Variants in RARB observed in about 807,000 individuals in gnomAD.
The protein encoded by RARB is retinoic acid receptor beta, also known as HBV-activated protein.
A neutral mutation model predicts 51.9 loss-of-function variants in RARB; 17 were observed. The ratio of observed to expected loss-of-function variants is 0.33; its 90% CI spans 0.22 to 0.49. The LOEUF (loss-of-function observed/expected upper bound fraction) is 0.49, where lower values mean the gene tolerates loss of function less well. Ranked by LOEUF, RARB falls within the 20% of genes least tolerant of loss-of-function variation. The probability of loss-of-function intolerance (pLI) is 0.99; values close to 1 mark genes in which losing one functional copy is unlikely to be tolerated. For missense variants in RARB, 369 were observed against 550.8 expected (o/e 0.67, Z 3.30); for synonymous variants, 215 against 195.4 (o/e 1.10, Z -0.84).
At chr3:25,205,292 G>A (rs1296710434) in intron 5 of RARB, among the ~76,000 whole-genome samples, 2 of 152,166 alleles carry the variant, frequency 1.3e-5, no homozygotes, top group South Asian at 4.1e-4. Flanking sequence ...TATTAGGGTG[G>A]GAGTGACCCG....
chr3:25,327,537 G>A (rs962621545), intron 5 of RARB, among the ~76,000 whole-genome samples: 3 of 152,172 alleles, frequency 2.0e-5, no homozygotes, highest in African/African-American at 4.8e-5. Flanking sequence ...AAACTTTTAA[G>A]TTTGAGCATG....
chr3:25,367,817 C>CAAAAAAAAAAAAAAAAAAAAGA (rs369165017), intron 5 of RARB, among the ~76,000 whole-genome samples: 1 of 125,576 alleles, frequency 8.0e-6, no homozygotes, highest in Non-Finnish European at 1.6e-5. Context: ...AAAAAACAAG[C>CAAAAAAAAAAAAAAAAAAAAGA]AAAAAAAAAA....
intron 2 of RARB, among the ~76,000 whole-genome samples, chr3:25,481,096 G>A (rs1370580060): frequency 6.6e-6 from 1 of 152,108 alleles, no homozygotes; most frequent in Non-Finnish European, 1.5e-5. Flanking sequence ...ATTACTTGAG[G>A]ATTATGGCTT....
intron 2 of RARB, among the ~76,000 whole-genome samples, chr3:25,463,563 T>C (rs1695289980): frequency 6.6e-6 from 1 of 151,592 alleles, no homozygotes; most frequent in African/African-American, 2.4e-5. Context: ...CTTGGGAGGC[T>C]GAGGCAGGAG....
intron 5 of RARB, among the ~76,000 whole-genome samples, chr3:25,354,460 A>G (rs1229845458): frequency 6.6e-6 from 1 of 152,066 alleles, no homozygotes; most frequent in Non-Finnish European, 1.5e-5. Flanking sequence ...TGGACCCAGA[A>G]GTGTACGCTA....
chr3:25,546,954 G>C (rs1256820408), intron 3 of RARB, among the ~76,000 whole-genome samples: 1 of 152,146 alleles, frequency 6.6e-6, no homozygotes, highest in Non-Finnish European at 1.5e-5. Flanking sequence ...CTACTAGTGT[G>C]AGTTAACTTA....
intron 5 of RARB, among the ~76,000 whole-genome samples, chr3:25,201,678 G>A (rs374126137): frequency 1.6e-4 from 25 of 152,210 alleles, no homozygotes; most frequent in Middle Eastern, 3.4e-3. Context: ...TTCTGCATCT[G>A]TTGAGATAAT....
At chr3:24,999,662 C>G (rs1575112465) in intron 2 of RARB, among the ~76,000 whole-genome samples, 2 of 152,114 alleles carry the variant, frequency 1.3e-5, no homozygotes, top group Non-Finnish European at 2.9e-5. Flanking sequence ...ATTACCCAGC[C>G]CTTTTGGTTG....
At chr3:25,090,468 C>A (rs1273465859) in intron 3 of RARB, among the ~76,000 whole-genome samples, 1 of 152,122 alleles carries the variant, frequency 6.6e-6, no homozygotes, top group African/African-American at 2.4e-5. Flanking sequence ...AAAACACTGT[C>A]ACTTTTGTCA....
At chr3:25,493,218 C>T (rs1696834464) in intron 2 of RARB, among the ~76,000 whole-genome samples, 1 of 152,152 alleles carries the variant, frequency 6.6e-6, no homozygotes, top group African/African-American at 2.4e-5. Context: ...CTTTCTCCCT[C>T]CCTCTCACCC....
At chr3:25,010,118 G>A (rs1331392446) in intron 2 of RARB, among the ~76,000 whole-genome samples, 1 of 146,928 alleles carries the variant, frequency 6.8e-6, no homozygotes, top group Non-Finnish European at 1.5e-5. Flanking sequence ...TGTAATATTG[G>A]GTCCCAACTT....
At position 25,584,560 on chromosome 3, in the gene RARB, C is replaced by G. The variant is rs138583688; in HGVS notation, c.786+3838C>G. On this transcript the variant is annotated intron_variant, in intron 5 of 7. Transcript: ENST00000330688. ...TGGGGAGCCTAGAGAGAGTGGAGTTCAAAGGCCCTGGGGCAGAGGAAGCCC... is the reference window on the plus strand; with the variant it reads ...TGGGGAGCCTAGAGAGAGTGGAGTTGAAAGGCCCTGGGGCAGAGGAAGCCC... 1.3e-3 allele frequency among the ~76,000 whole-genome samples: 196 copies of G among 152,232 alleles called. 6 individuals carry two copies. In the East Asian group the frequency reaches 0.033, roughly 25 times the overall value.
intron 2 of RARB, among the ~76,000 whole-genome samples, chr3:24,984,767 TG>T (rs1696751615): frequency 2.8e-5 from 1 of 36,228 alleles, no homozygotes; most frequent in East Asian, 1.4e-3. Flanking sequence ...AAAGTTGCTG[TG>T]TTGGGGAAAC....
intron 2 of RARB, among the ~76,000 whole-genome samples, chr3:24,909,578 T>C (rs78545045): frequency 6.6e-6 from 1 of 151,362 alleles, no homozygotes; most frequent in Non-Finnish European, 1.5e-5. Context: ...TTTTTTTTTT[T>C]GGATTTTTAC....
At chr3:25,439,515 C>T (rs116018442) in intron 1 of RARB, among the ~76,000 whole-genome samples, 24 of 152,264 alleles carry the variant, frequency 1.6e-4, no homozygotes, top group African/African-American at 5.5e-4. Context: ...AAGCAATCCT[C>T]CCGCCTCAGC....
At chr3:25,530,962 C>T (rs2125643317) in intron 3 of RARB, among the ~76,000 whole-genome samples, 1 of 152,238 alleles carries the variant, frequency 6.6e-6, no homozygotes, top group Admixed American at 6.5e-5. Context: ...TAGGAGCAAA[C>T]CCTAAGACAA....
At chr3:25,191,202 T>C (rs974199160) in intron 5 of RARB, among the ~76,000 whole-genome samples, 2 of 152,120 alleles carry the variant, frequency 1.3e-5, no homozygotes, top group African/African-American at 4.8e-5. Flanking sequence ...ATTTCTTATA[T>C]AGACTCTGTT....
At chr3:25,374,655 G>A (rs749916834) in intron 5 of RARB, among the ~76,000 whole-genome samples, 12 of 152,096 alleles carry the variant, frequency 7.9e-5, no homozygotes, top group Non-Finnish European at 1.6e-4. Context: ...CCAGAAGCCA[G>A]AATAGATGTT....
At chr3:24,898,858 G>C (rs1164628989) in intron 2 of RARB, among the ~76,000 whole-genome samples, 1 of 152,152 alleles carries the variant, frequency 6.6e-6, no homozygotes, top group East Asian at 1.9e-4. Context: ...ATTCAAGGTA[G>C]GAAGGGTGGA....
Sources: allele counts gnomAD v4.1 joint callset (sites outside exome capture counted in the v4.1 genomes callset), GRCh38; gene constraint gnomAD v4.1.1; transcripts MANE v1.5; gene names NCBI Gene and HGNC (gene_info 2026-07-23, HGNC 2026-07-21).